Variants in DNAH8 observed in about 807,000 individuals in gnomAD.
DNAH8 encodes the protein axonemal beta dynein heavy chain 8.
DNAH8 carries 382 observed loss-of-function variants against 562.1 expected under a neutral mutation model. The ratio of observed to expected loss-of-function variants is 0.68; its 90% confidence interval spans 0.63 to 0.74. The LOEUF is 0.74. Ranked by LOEUF, DNAH8 falls within the 30% of genes least tolerant of loss-of-function variation. The pLI is 0.00. For missense variants in DNAH8, 5,203 were observed against 5,620.4 expected (o/e 0.93, Z 2.37); for synonymous variants, 1,881 against 1,919.4 (o/e 0.98, Z 0.52).
chr6:39,007,456 A>T (rs1307449922), intron 88 of DNAH8, among the ~76,000 whole-genome samples: 1 of 152,254 alleles, frequency 6.6e-6, no homozygotes, highest in Non-Finnish European at 1.5e-5. Context: ...AGACAAAATT[A>T]GCAAACAAAA....
chr6:38,796,763 G>T (rs1770301797), intron 21 of DNAH8, among the ~76,000 whole-genome samples: 1 of 152,098 alleles, frequency 6.6e-6, no homozygotes, highest in African/African-American at 2.4e-5. Context: ...CCTTAAAAGG[G>T]ACAGCAATTG....
Position 38,921,588 on chromosome 6 carries a change from T to A in DNAH8, c.10662+82T>A, listed in dbSNP as rs118051069. On this transcript the variant is annotated intron_variant, in intron 71 of 92. Coordinates refer to ENST00000327475, the MANE Select transcript of DNAH8 (RefSeq NM_001206927.2). Reference sequence around the variant, plus strand: ...ATGCTATATTTGGAAATCAGGCAAATGGTTGTGATGAAAAAATATTGGCCA... The same window carrying A: ...ATGCTATATTTGGAAATCAGGCAAAAGGTTGTGATGAAAAAATATTGGCCA... The A allele has an allele frequency of 2.7e-3, 3,857 of 1,447,752 alleles. 82 individuals are homozygous for A. In the East Asian group the frequency reaches 0.038, roughly 14 times the overall value. 89.7% of individuals were successfully genotyped at this position (1,447,752 alleles called of 1,614,324 possible).
At chr6:38,721,664 T>C (rs147684264) in intron 1 of DNAH8, among the ~76,000 whole-genome samples, 108 of 152,252 alleles carry the variant, frequency 7.1e-4, no homozygotes, top group Admixed American at 1.5e-3. Context: ...AGCTAAAAGA[T>C]AGGTCAGTTT....
intron 8 of DNAH8, among the ~76,000 whole-genome samples, chr6:38,743,702 G>A (rs1413158183): frequency 1.9e-4 from 29 of 152,170 alleles, no homozygotes; most frequent in Admixed American, 1.9e-3. Flanking sequence ...GCCTGTATCA[G>A]TATGTCATTC....
At chr6:38,736,463 A>G (rs1010449834) in intron 5 of DNAH8, among the ~76,000 whole-genome samples, 1 of 152,208 alleles carries the variant, frequency 6.6e-6, no homozygotes, top group Non-Finnish European at 1.5e-5. Context: ...TCAAGACGAC[A>G]CCAAACTGTA....
intron 33 of DNAH8, among the ~76,000 whole-genome samples, chr6:38,839,531 A>T (rs993756668): frequency 1.4e-4 from 21 of 151,770 alleles, no homozygotes; most frequent in African/African-American, 3.1e-4. Context: ...TTTTTAAAAA[A>T]TTTTTTATAC....
intron 3 of DNAH8, among the ~76,000 whole-genome samples, chr6:38,728,992 G>C (rs1163158435): frequency 1.3e-5 from 2 of 152,048 alleles, no homozygotes; most frequent in South Asian, 2.1e-4. Flanking sequence ...CATCACTTGA[G>C]GTCAGTTCAA....
At chr6:38,925,410 A>C (rs1414566040) in intron 73 of DNAH8, among the ~76,000 whole-genome samples, 1 of 151,678 alleles carries the variant, frequency 6.6e-6, no homozygotes, top group Non-Finnish European at 1.5e-5. Flanking sequence ...ATCATGGCTC[A>C]CAGCAGCCTC....
At position 38,790,343 on chromosome 6, in the gene DNAH8, C is replaced by T. The variant is rs1060504238; in HGVS notation, c.2719C>T (p.Leu907=). ...LTVLTWSSLT[L]ESFFQEVELV... ...AGTGTTAACATGGTCGTCTTTAACA[C>T]TGGAAAGCTTCTTTCAAGAAGTCGA... Residue 907 remains leucine, a synonymous_variant, in exon 20 of 93, where the codon CTG becomes TTG. Transcript: ENST00000327475. 1.1e-5 allele frequency: 18 copies of T among 1,609,364 alleles called. No homozygotes were observed. Among genetic ancestry groups the T allele is most frequent in the African/African-American group, 1.3e-5 (1 of 74,618 alleles).
Position 38,931,967 on chromosome 6 carries a change from A to G in DNAH8, c.11431A>G (p.Arg3811Gly). The change falls in exon 76 of 93, where the codon AGG becomes GGG. Residue 3811 changes from arginine to glycine, a missense_variant. By Grantham distance (125) the Arg-to-Gly change is moderately radical (BLOSUM62 -2). Coordinates refer to ENST00000327475, the MANE Select transcript of DNAH8 (RefSeq NM_001206927.2). ...GAAAGGACTTGAGAATCAGTTACTA[A>G]GGAGAGTCATTCTAACAGAGAAACA... The part of the protein sequence containing the change: ...TMKGLENQLL[R>G]RVILTEKQEL... 1 of 1,604,632 alleles carries G rather than the reference A, an allele frequency of 6.2e-7. No homozygotes were observed. The highest frequency in any genetic ancestry group is 8.5e-7 in the Non-Finnish European group (1 of 1,176,462).
chr6:38,940,863 A>G (rs12524311), intron 79 of DNAH8, among the ~76,000 whole-genome samples: 9,662 of 152,220 alleles, frequency 0.063, 636 homozygotes, highest in Admixed American at 0.17. Flanking sequence ...AATGCCTGTA[A>G]TCCCAGCACT....
intron 64 of DNAH8, 77 bp from the exon 65 acceptor site, chr6:38,909,441 C>A: frequency 1.5e-6 from 2 of 1,311,766 alleles, no homozygotes; most frequent in South Asian, 1.2e-5. Context: ...ACTCTTGGGT[C>A]AGATTGCGTA....
Position 38,848,696 on chromosome 6 carries a change from G to A in DNAH8, c.5094G>A (p.Leu1698=). ...ATATCCAGAATTGGGTGTATAAATT[G>A]TCCACTTCCTCAGATATAATTGAAG... is the stretch of plus-strand genomic sequence containing the variant. ...KKNIQNWVYK[L]STSSDIIEEW... is the part of the protein sequence containing the mutation. Residue 1698 remains leucine (L), a synonymous_variant, in exon 37 of 93, where the codon TTG becomes TTA. Transcript: ENST00000327475. 9.3e-6 allele frequency: 15 copies of A among 1,611,906 alleles called. No homozygotes were observed. Among genetic ancestry groups the A allele is most frequent in the Non-Finnish European group, 1.2e-5 (14 of 1,178,350 alleles).
intron 88 of DNAH8, among the ~76,000 whole-genome samples, chr6:39,006,406 C>G (rs992309619): frequency 6.6e-6 from 1 of 152,186 alleles, no homozygotes; most frequent in Non-Finnish European, 1.5e-5. Flanking sequence ...TAAAACTCTT[C>G]AATATTGCAA....
At chr6:38,792,320 TCAGGTGATCCA>T (rs901758543) in intron 21 of DNAH8, among the ~76,000 whole-genome samples, 2 of 152,102 alleles carry the variant, frequency 1.3e-5, no homozygotes, top group African/African-American at 4.8e-5. Flanking sequence ...ACTCCCGACC[TCAGGTGATCCA>T]CAGCTTTAGC....
rs1563044772 is a variant in DNAH8, at chr6:38,866,882, T to G, written c.6693+6T>G. Reference sequence around the variant, plus strand: ...AAGAGCAACTTACTAAACAGGTAACTTTATAGATCTGCTTTCCTCCTAGCA... The same window carrying G: ...AAGAGCAACTTACTAAACAGGTAACGTTATAGATCTGCTTTCCTCCTAGCA... On this transcript the variant is annotated splice_donor_region_variant and intron_variant, in intron 47 of 92. Coordinates refer to ENST00000327475, the MANE Select transcript of DNAH8 (RefSeq NM_001206927.2). 1 of 1,543,036 alleles carries G rather than the reference T, an allele frequency of 6.5e-7. No homozygotes were observed. Among genetic ancestry groups the G allele is most frequent in the Non-Finnish European group, 8.9e-7 (1 of 1,119,108 alleles).
chr6:38,850,510 A>C (rs576140479), intron 38 of DNAH8, 96 bp downstream of exon 38: 13 of 1,159,428 alleles, frequency 1.1e-5, no homozygotes, highest in Middle Eastern at 4.4e-4. Flanking sequence ...TTTGGTAGTG[A>C]TGGTTAAAGT....
rs577992024 is a variant in DNAH8, at chr6:38,807,663, A to G, written c.3204A>G (p.Gln1068=). ...CTCATCAATTACTAGACAGTCTTCA[A>G]AAAGCTACACGGTTATCTCTGGACA... ...FFSHQLLDSL[Q]KATRLSLDTM... The change falls in exon 24 of 93, where the codon CAA becomes CAG. Residue 1068 remains glutamine (Q), a synonymous_variant. Coordinates refer to ENST00000327475, the MANE Select transcript of DNAH8 (RefSeq NM_001206927.2). The G allele has an allele frequency of 7.6e-6, 12 of 1,569,138 alleles. No individual in the cohort carries two copies. The highest frequency in any genetic ancestry group is 1.0e-5 in the Non-Finnish European group (12 of 1,161,434).
intron 11 of DNAH8, among the ~76,000 whole-genome samples, chr6:38,766,139 A>ATGTGTGTGTGTGTGCG (rs57039279): frequency 4.6e-5 from 7 of 150,890 alleles, no homozygotes; most frequent in Admixed American, 2.6e-4. Flanking sequence ...ATGTGTTTGT[A>ATGTGTGTGTGTGTGCG]TGTGTGTGTG....
Sources: gnomAD v4.1 joint callset for allele counts (sites outside exome capture counted in the v4.1 genomes callset) on GRCh38, gnomAD v4.1.1 for gene constraint, MANE v1.5 for transcripts, NCBI Gene and HGNC (gene_info 2026-07-23, HGNC 2026-07-21) for gene names.